STEAP1B: variants seen among roughly 807,000 people sequenced by gnomAD.
STEAP1B encodes the protein STEAP family member 1B, also known as STEAP family protein MGC87042.
Under a neutral mutation model 27.9 loss-of-function variants are expected in STEAP1B, and 13 were observed. The ratio of observed to expected loss-of-function variants is 0.47; its 90% CI spans 0.30 to 0.74. The LOEUF is 0.74. STEAP1B is among the 30% of genes least tolerant of loss of function. STEAP1B has a pLI of 0.06. For missense variants in STEAP1B, 250 were observed against 298.7 expected (o/e 0.84, Z 1.20); for synonymous variants, 86 against 107.1 (o/e 0.80, Z 1.22).
rs1208562487 is a variant in STEAP1B at position 22,433,563 on chromosome 7, G to A, written c.763-13727C>T. 3.9e-5 allele frequency among the ~76,000 whole-genome samples: 6 copies of A among 152,082 alleles called. 1 individual carries two copies. In the East Asian group the frequency reaches 1.2e-3, roughly 29 times the overall value. ...ACAGGTTAGGCCAAACCAGTTTTAA[G>A]GAGAGGAGATCTATGTAGGAAAGGG... On this transcript the variant is annotated intron_variant, in intron 4 of 4. Coordinates refer to ENST00000678116, the MANE Select transcript of STEAP1B (RefSeq NM_001382447.1).
At chr7:22,456,972 A>ATATATATATATATATATTTTTTTTT in intron 4 of STEAP1B, among the ~76,000 whole-genome samples, 2 of 57,046 alleles carry the variant, frequency 3.5e-5, no homozygotes, top group Admixed American at 2.0e-4. Flanking sequence ...ATATATATAT[A>ATATATATATATATATATTTTTTTTT]TTTTTTTTTT....
intron 4 of STEAP1B, among the ~76,000 whole-genome samples, chr7:22,430,183 C>G (rs1015856044): frequency 1.3e-5 from 2 of 152,146 alleles, no homozygotes; most frequent in African/African-American, 4.8e-5. Flanking sequence ...GTGGGTTGAC[C>G]AAATAACTAA....
chr7:22,490,701 G>A (rs1482535295), intron 4 of STEAP1B, among the ~76,000 whole-genome samples: 1 of 152,152 alleles, frequency 6.6e-6, no homozygotes, highest in Non-Finnish European at 1.5e-5. Context: ...ATTTCACTTA[G>A]ACTACATGCC....
chr7:22,454,865 A>T (rs60152576), intron 4 of STEAP1B, among the ~76,000 whole-genome samples: 2,793 of 126,050 alleles, frequency 0.022, 127 homozygotes, highest in African/African-American at 0.084. Flanking sequence ...ATATATATAT[A>T]TTTTTTTTTT....
At chr7:22,465,031 G>T (rs1785752924) in intron 4 of STEAP1B, among the ~76,000 whole-genome samples, 5 of 139,098 alleles carry the variant, frequency 3.6e-5, no homozygotes. Context: ...CAATATGCCA[G>T]CATCACTACT....
At chr7:22,491,064 G>A (rs116701718) in intron 4 of STEAP1B, among the ~76,000 whole-genome samples, 8 of 152,160 alleles carry the variant, frequency 5.3e-5, no homozygotes, top group African/African-American at 1.4e-4. Context: ...CAGCAATTCC[G>A]TTCATTTTGA....
intron 4 of STEAP1B, chr7:22,438,501 G>C: frequency 6.5e-7 from 1 of 1,550,032 alleles, no homozygotes; most frequent in East Asian, 2.4e-5. Context: ...AAATCTGAAA[G>C]ATGATCAGCA....
intron 4 of STEAP1B, among the ~76,000 whole-genome samples, chr7:22,432,448 C>A (rs925602680): frequency 6.6e-6 from 1 of 151,906 alleles, no homozygotes; most frequent in Non-Finnish European, 1.5e-5. Flanking sequence ...TAGTGGCATA[C>A]ACTTGTAGTC....
chr7:22,423,807 T>A (rs1421952929), intron 4 of STEAP1B, among the ~76,000 whole-genome samples: 17 of 152,156 alleles, frequency 1.1e-4, no homozygotes. Context: ...GGCGGGCAAA[T>A]CGCTTGAGTC....
chr7:22,496,751 T>C (rs1786448884), intron 1 of STEAP1B, among the ~76,000 whole-genome samples: 1 of 152,200 alleles, frequency 6.6e-6, no homozygotes, highest in South Asian at 2.1e-4. Context: ...GTACACTCTA[T>C]GATGTTTCCT....
At chr7:22,487,505 C>T (rs1786231105) in intron 4 of STEAP1B, among the ~76,000 whole-genome samples, 1 of 151,316 alleles carries the variant, frequency 6.6e-6, no homozygotes, top group Non-Finnish European at 1.5e-5. Context: ...GAAATTAAAA[C>T]ACATGCCGGG....
chr7:22,492,514 T>C lies in STEAP1B; in HGVS notation c.762+51A>G, dbSNP rs1156589480. ...GGTAAAGCCAACATATTCTATATCA[T>C]AAACACAAAAAGAAGATTTACCTCT... On this transcript the variant is annotated intron_variant, in intron 4 of 4. Coordinates refer to ENST00000678116, the MANE Select transcript of STEAP1B (RefSeq NM_001382447.1). 6 of 1,515,730 alleles carry C rather than the reference T, an allele frequency of 4.0e-6. No homozygotes were observed. In the South Asian group the frequency reaches 5.4e-5, roughly 14 times the overall value. The allele number at this position is 1,515,730 out of a possible 1,614,324, so 93.9% of individuals were successfully genotyped here.
At chr7:22,432,987 C>G (rs1785209153) in intron 4 of STEAP1B, among the ~76,000 whole-genome samples, 1 of 152,204 alleles carries the variant, frequency 6.6e-6, no homozygotes, top group Non-Finnish European at 1.5e-5. Flanking sequence ...CTCAGCCCTT[C>G]AGCTCTGCCG....
In STEAP1B at chr7:22,492,708, C is replaced by T. The variant is rs1429512424; in HGVS notation, c.619G>A (p.Ala207Thr). 6.3e-7 allele frequency: 1 copy of T among 1,596,682 alleles called. No individual in the cohort carries two copies. The highest frequency in any genetic ancestry group is 1.4e-5 in the African/African-American group (1 of 73,802). The change falls in exon 4 of 5, where the codon GCC becomes ACC. Residue 207 changes from alanine to threonine, a missense_variant. Ala to Thr is a moderately conservative substitution (Grantham distance 58, BLOSUM62 0). Transcript: ENST00000678116. ...CTCCAAACATCATGCTCAATCCAGG[C>T]ATCTTCTTTATTTTGTTGGACCTAC... ...YQQVQQNKED[A>T]WIEHDVWRME...
At chr7:22,456,435 T>C (rs1313975506) in intron 4 of STEAP1B, among the ~76,000 whole-genome samples, 1 of 152,228 alleles carries the variant, frequency 6.6e-6, no homozygotes, top group East Asian at 1.9e-4. Flanking sequence ...TTATGCTCCT[T>C]GAAAGCAGGA....
intron 4 of STEAP1B, among the ~76,000 whole-genome samples, chr7:22,460,537 C>T (rs576617071): frequency 5.9e-5 from 9 of 152,204 alleles, no homozygotes; most frequent in East Asian, 3.9e-4. Flanking sequence ...AGCTGGGGAG[C>T]GGGCCATCAG....
At chr7:22,473,930 G>A (rs1162329983) in intron 4 of STEAP1B, among the ~76,000 whole-genome samples, 8 of 152,158 alleles carry the variant, frequency 5.3e-5, no homozygotes, top group Non-Finnish European at 1.2e-4. Context: ...GCCCATCCCC[G>A]AGGCTGTATG....
intron 4 of STEAP1B, chr7:22,438,271 T>C: frequency 1.9e-6 from 1 of 531,166 alleles, no homozygotes; most frequent in Admixed American, 3.5e-5. Context: ...CTGCTTCTCC[T>C]GAAATACTTC....
At chr7:22,479,591 A>G (rs1352678378) in intron 4 of STEAP1B, among the ~76,000 whole-genome samples, 1 of 151,524 alleles carries the variant, frequency 6.6e-6, no homozygotes, top group African/African-American at 2.4e-5. Context: ...CCCACATACT[A>G]ACTGTAAGCC....
Sources: gnomAD v4.1 joint callset for allele counts (sites outside exome capture counted in the v4.1 genomes callset) on GRCh38, gnomAD v4.1.1 for gene constraint, MANE v1.5 for transcripts, NCBI Gene and HGNC (gene_info 2026-07-23, HGNC 2026-07-21) for gene names.